The following SNTG1 variants were observed in gnomAD, a reference collection of about 807,000 sequenced individuals.
SNTG1 encodes gamma-1-syntrophin.
In SNTG1, 39 loss-of-function variants were observed where a neutral mutation model predicts 74.7. The ratio of observed to expected loss-of-function variants is 0.52; its 90% CI spans 0.40 to 0.68. SNTG1 has a LOEUF of 0.68. Ranked by LOEUF, SNTG1 falls within the 30% of genes least tolerant of loss-of-function variation. The pLI is 0.00. For synonymous variants in SNTG1, 254 were observed against 217.1 expected (o/e 1.17, Z -1.49); for missense variants, 685 against 609.5 (o/e 1.12, Z -1.30).
At chr8:50,357,797 T>C (rs1338424620) in intron 2 of SNTG1, among the ~76,000 whole-genome samples, 1 of 152,162 alleles carries the variant, frequency 6.6e-6, no homozygotes, top group Non-Finnish European at 1.5e-5. Context: ...ACTTTACAAA[T>C]GATGAAATAA....
intron 1 of SNTG1, among the ~76,000 whole-genome samples, chr8:50,111,335 A>G (rs958468963): frequency 1.3e-5 from 2 of 152,154 alleles, no homozygotes; most frequent in African/African-American, 4.8e-5. Context: ...AGGACGTCAT[A>G]AGGTGGGGGT....
At position 50,235,321 on chromosome 8, in the gene SNTG1, G is replaced by A. The variant is rs1386113999; in HGVS notation, c.-28+62686G>A. ...CAGGGATGAATGTGGAGGGCATTAT[G>A]TTAAGTGAAATGAGCCAGGCACAGA... On this transcript the variant is annotated intron_variant, in intron 2 of 18. Transcript: ENST00000642720. 3.3e-5 allele frequency among the ~76,000 whole-genome samples: 5 copies of A among 152,278 alleles called. No homozygotes were observed. The East Asian group carries it at 5.8e-4, about 18-fold the overall frequency.
rs148363551 is a variant in SNTG1, at chr8:50,518,956, A to C, written c.467-11221A>C. On this transcript the variant is annotated intron_variant, in intron 9 of 18. Coordinates refer to ENST00000642720, the MANE Select transcript of SNTG1 (RefSeq NM_018967.5). ...GGACTCCTCCCTAACTCATTTTATG[A>C]GGCCATTATCATCCTAATACTAAAA... Among the ~76,000 whole-genome samples the C allele has an allele frequency of 2.1e-3, 326 of 152,306 alleles. 3 individuals carry two copies. Among genetic ancestry groups the C allele is most frequent in the African/African-American group, 7.6e-3 (315 of 41,572 alleles).
At chr8:50,168,947 C>T (rs1219178920) in intron 1 of SNTG1, among the ~76,000 whole-genome samples, 1 of 152,046 alleles carries the variant, frequency 6.6e-6, no homozygotes, top group African/African-American at 2.4e-5. Flanking sequence ...CACGTGCACT[C>T]GTTTTTATGT....
intron 13 of SNTG1, among the ~76,000 whole-genome samples, chr8:50,608,842 G>A (rs1284892086): frequency 1.3e-5 from 2 of 151,664 alleles, no homozygotes; most frequent in Non-Finnish European, 3.0e-5. Context: ...GCTTTAATTT[G>A]TCTGTTGATT....
chr8:50,660,525 G>C (rs1222207785), intron 15 of SNTG1, among the ~76,000 whole-genome samples: 1 of 117,502 alleles, frequency 8.5e-6, no homozygotes, highest in Non-Finnish European at 1.7e-5. Context: ...GGGAGGGAGG[G>C]AGAAGGAAGG....
chr8:50,206,157 G>T (rs903907655), intron 2 of SNTG1, among the ~76,000 whole-genome samples: 1 of 152,118 alleles, frequency 6.6e-6, no homozygotes, highest in African/African-American at 2.4e-5. Context: ...ATTACCTTGG[G>T]CAGTATGGCC....
At chr8:50,739,194 A>G (rs879812980) in intron 17 of SNTG1, among the ~76,000 whole-genome samples, 13 of 152,134 alleles carry the variant, frequency 8.5e-5, no homozygotes, top group Non-Finnish European at 1.3e-4. Flanking sequence ...CAGAATCTAC[A>G]AGGAACTTAA....
chr8:50,602,061 T>A (rs2094778923), intron 13 of SNTG1, among the ~76,000 whole-genome samples: 1 of 152,106 alleles, frequency 6.6e-6, no homozygotes, highest in Non-Finnish European at 1.5e-5. Context: ...CTTCTTTTTT[T>A]AATCCATTCT....
chr8:50,035,173 T>C (rs1818047118), intron 1 of SNTG1, among the ~76,000 whole-genome samples: 1 of 152,224 alleles, frequency 6.6e-6, no homozygotes, highest in Non-Finnish European at 1.5e-5. Context: ...TCACTCACTC[T>C]TCTAAGGAGG....
intron 1 of SNTG1, among the ~76,000 whole-genome samples, chr8:50,128,702 G>A (rs1429455089): frequency 2.0e-5 from 3 of 152,002 alleles, no homozygotes; most frequent in Admixed American, 6.6e-5. Flanking sequence ...ATGGAGTGTT[G>A]AAAAGTAAGT....
intron 2 of SNTG1, among the ~76,000 whole-genome samples, chr8:50,236,489 A>C (rs1359804544): frequency 1.6e-5 from 2 of 123,908 alleles, no homozygotes; most frequent in South Asian, 2.5e-4. Context: ...CTCGCTCTTT[A>C]GGCCAGGCTG....
intron 15 of SNTG1, among the ~76,000 whole-genome samples, chr8:50,667,828 A>T (rs184509115): frequency 0.025 from 3,793 of 152,028 alleles, 63 homozygotes; most frequent in Middle Eastern, 0.038. Context: ...TAATATGGTT[A>T]TTTTTTTACT....
At chr8:50,084,325 G>C (rs1487665562) in intron 1 of SNTG1, among the ~76,000 whole-genome samples, 1 of 152,096 alleles carries the variant, frequency 6.6e-6, no homozygotes, top group Admixed American at 6.6e-5. Flanking sequence ...GCCTGGCATG[G>C]TAGTGGGCAC....
At chr8:50,542,049 C>CAT (rs1178463620) in intron 11 of SNTG1, among the ~76,000 whole-genome samples, 2 of 147,028 alleles carry the variant, frequency 1.4e-5, no homozygotes, top group Admixed American at 1.4e-4. Context: ...TGTATATATA[C>CAT]ATATATATAT....
chr8:50,430,951 T>C (rs936341856), intron 4 of SNTG1, among the ~76,000 whole-genome samples: 2 of 152,188 alleles, frequency 1.3e-5, no homozygotes, highest in East Asian at 3.9e-4. Flanking sequence ...TCAACCAGAA[T>C]ACAGTTCCAT....
chr8:50,427,318 T>C (rs1299484384), intron 4 of SNTG1, among the ~76,000 whole-genome samples: 1 of 152,216 alleles, frequency 6.6e-6, no homozygotes, highest in African/African-American at 2.4e-5. Flanking sequence ...TAATGATTAT[T>C]ATTAATATCA....
intron 2 of SNTG1, among the ~76,000 whole-genome samples, chr8:50,342,905 C>T (rs2091360876): frequency 6.6e-6 from 1 of 152,114 alleles, no homozygotes; most frequent in Non-Finnish European, 1.5e-5. Context: ...CAAAGGAGTT[C>T]TAGAGATATG....
chr8:50,288,315 A>T (rs1258770642), intron 2 of SNTG1, among the ~76,000 whole-genome samples: 1 of 152,200 alleles, frequency 6.6e-6, no homozygotes, highest in Non-Finnish European at 1.5e-5. Context: ...GAGAAATACA[A>T]CTAACCTACT....
Sources: gnomAD v4.1 joint callset for allele counts (sites outside exome capture counted in the v4.1 genomes callset) on GRCh38, gnomAD v4.1.1 for gene constraint, MANE v1.5 for transcripts, NCBI Gene and HGNC (gene_info 2026-07-23, HGNC 2026-07-21) for gene names.